The following RBFOX1 variants were observed in gnomAD, a reference collection of about 807,000 sequenced individuals.
The protein encoded by RBFOX1 is RNA binding protein fox-1 homolog 1.
A neutral mutation model predicts 57.7 loss-of-function variants in RBFOX1; 8 were observed. The ratio of observed to expected loss-of-function variants is 0.14; its 90% CI spans 0.08 to 0.25. The LOEUF is 0.25. RBFOX1 is among the 10% of genes least tolerant of loss of function. RBFOX1 has a pLI of 1.00. For missense variants in RBFOX1, 611 were observed against 548.5 expected (o/e 1.11, Z -1.14); for synonymous variants, 326 against 222.4 (o/e 1.47, Z -4.15).
At chr16:6,168,804 CT>C (rs1468238035) in intron 1 of RBFOX1, among the ~76,000 whole-genome samples, 1 of 150,108 alleles carries the variant, frequency 6.7e-6, no homozygotes, top group African/African-American at 2.5e-5. Context: ...TTCACTGGTT[CT>C]TTCACTTTTT....
At chr16:7,162,243 T>C (rs1488126057) in intron 4 of RBFOX1, among the ~76,000 whole-genome samples, 1 of 152,208 alleles carries the variant, frequency 6.6e-6, no homozygotes, top group Admixed American at 6.5e-5. Flanking sequence ...ATCTGTCCAC[T>C]CATCCATCAT....
chr16:6,750,063 A>G (rs2074618711), intron 3 of RBFOX1, among the ~76,000 whole-genome samples: 1 of 152,172 alleles, frequency 6.6e-6, no homozygotes. Context: ...ACTAGGGGCT[A>G]ACATTAAGAT....
At chr16:6,053,627 A>G (rs1198332626) in intron 1 of RBFOX1, among the ~76,000 whole-genome samples, 1 of 152,162 alleles carries the variant, frequency 6.6e-6, no homozygotes, top group African/African-American at 2.4e-5. Context: ...CATAATCACC[A>G]CTATTCCAGA....
Position 7,393,799 on chromosome 16 carries a change from A to T in RBFOX1, c.28-124348A>T, listed in dbSNP as rs143153408. On this transcript the variant is annotated intron_variant, in intron 4 of 15. Transcript: ENST00000550418. The stretch of plus-strand genomic sequence containing the variant: ...CCTTACCTCCACCTTTACTCCAGGC[A>T]TCTCTGGCTAAGGTGAATCATGCCA... 1.1e-3 allele frequency among the ~76,000 whole-genome samples: 160 copies of T among 152,310 alleles called. 1 individual carries two copies. The highest frequency in any genetic ancestry group is 9.3e-4 in the Non-Finnish European group (63 of 68,030).
At chr16:6,701,319 C>G (rs561883288) in intron 3 of RBFOX1, among the ~76,000 whole-genome samples, 3 of 152,336 alleles carry the variant, frequency 2.0e-5, no homozygotes, top group African/African-American at 7.2e-5. Context: ...GACGTCACCC[C>G]CTGCAGCTGG....
chr16:7,197,157 C>G (rs970280882), intron 4 of RBFOX1, among the ~76,000 whole-genome samples: 1 of 152,134 alleles, frequency 6.6e-6, no homozygotes, highest in Non-Finnish European at 1.5e-5. Flanking sequence ...TTCTAGCGTT[C>G]TCTGGTTTCT....
chr16:6,511,789 A>T (rs1022444082), intron 2 of RBFOX1, among the ~76,000 whole-genome samples: 2 of 152,246 alleles, frequency 1.3e-5, no homozygotes, highest in African/African-American at 2.4e-5. Context: ...TTCAAATTCT[A>T]CTAGTGGCTT....
intron 2 of RBFOX1, among the ~76,000 whole-genome samples, chr16:6,593,954 G>C (rs1316091617): frequency 6.6e-6 from 1 of 152,124 alleles, no homozygotes; most frequent in Admixed American, 6.6e-5. Flanking sequence ...GTTCAATTTG[G>C]CGTTTAGGAT....
At chr16:6,967,159 A>T (rs186057047) in intron 3 of RBFOX1, among the ~76,000 whole-genome samples, 122 of 151,762 alleles carry the variant, frequency 8.0e-4, no homozygotes, top group Non-Finnish European at 1.5e-3. Flanking sequence ...TCATCTATCC[A>T]TGTGTTTGTA....
chr16:5,768,231 G>T (rs933326090), intron 3 of RBFOX1, among the ~76,000 whole-genome samples: 1 of 152,178 alleles, frequency 6.6e-6, no homozygotes, highest in African/African-American at 2.4e-5. Context: ...GATCCATAAT[G>T]AGATACGTGA....
Position 6,520,156 on chromosome 16 carries a change from G to A in RBFOX1, c.-63-134447G>A, listed in dbSNP as rs77002036. ...TCATGGCCATCCTTTGCAACTTGGA[G>A]TATGCAAACAACATTTCTTCTCTAA... is the stretch of plus-strand genomic sequence containing the variant. On this transcript the variant is annotated intron_variant, in intron 2 of 15. Transcript: ENST00000550418. Among the ~76,000 whole-genome samples the A allele has an allele frequency of 3.6e-3, 551 of 152,314 alleles. 7 individuals are homozygous for A. Among genetic ancestry groups the A allele is most frequent in the African/African-American group, 0.012 (508 of 41,572 alleles).
At chr16:7,702,048 C>T (rs1393416143) in intron 14 of RBFOX1, among the ~76,000 whole-genome samples, 2 of 152,132 alleles carry the variant, frequency 1.3e-5, no homozygotes, top group Non-Finnish European at 2.9e-5. Flanking sequence ...GATAACTTGT[C>T]CTTTCCTTGA....
At chr16:5,698,997 T>G (rs1423856931) in intron 3 of RBFOX1, among the ~76,000 whole-genome samples, 1 of 150,172 alleles carries the variant, frequency 6.7e-6, no homozygotes, top group Non-Finnish European at 1.5e-5. Context: ...TTTTTTTTTT[T>G]TTTTTTTTGA....
chr16:5,332,190 T>C (rs1320112), intron 1 of RBFOX1, among the ~76,000 whole-genome samples: 1 of 152,162 alleles, frequency 6.6e-6, no homozygotes, highest in Non-Finnish European at 1.5e-5. Flanking sequence ...TTATTGTTTC[T>C]TTTATTTAAC....
chr16:7,164,232 T>A (rs369528603), intron 4 of RBFOX1, among the ~76,000 whole-genome samples: 2 of 152,308 alleles, frequency 1.3e-5, no homozygotes, highest in South Asian at 4.1e-4. Context: ...TTTCCATTCC[T>A]GAGTTACTTC....
chr16:7,039,417 A>C lies in RBFOX1; in HGVS notation c.-15-12640A>C, dbSNP rs967824715. ...CGTGGGAGAGCTGGGTGTGTTCTCC[A>C]AGCTATTTTCTCAAGTGTATTTTGT... On this transcript the variant is annotated intron_variant, in intron 3 of 15. Transcript: ENST00000550418. 1.8e-4 allele frequency among the ~76,000 whole-genome samples: 27 copies of C among 152,332 alleles called. 1 individual carries two copies. Among genetic ancestry groups the C allele is most frequent in the African/African-American group, 6.5e-4 (27 of 41,584 alleles).
intron 3 of RBFOX1, among the ~76,000 whole-genome samples, chr16:5,745,994 T>C (rs1050610293): frequency 1.3e-5 from 2 of 152,248 alleles, no homozygotes; most frequent in African/African-American, 4.8e-5. Flanking sequence ...TTTGGTGTTT[T>C]ACACATGAAG....
chr16:6,577,730 A>G (rs1385467228), intron 2 of RBFOX1, among the ~76,000 whole-genome samples: 1 of 152,164 alleles, frequency 6.6e-6, no homozygotes, highest in East Asian at 1.9e-4. Flanking sequence ...TTTGACAAGG[A>G]AGTGACACAC....
intron 3 of RBFOX1, among the ~76,000 whole-genome samples, chr16:5,785,297 A>C (rs973487176): frequency 2.6e-5 from 4 of 152,134 alleles, no homozygotes; most frequent in African/African-American, 9.7e-5. Context: ...ACATTTACCA[A>C]AGAGCTTGGT....
Sources: gnomAD v4.1 joint callset for allele counts (sites outside exome capture counted in the v4.1 genomes callset) on GRCh38, gnomAD v4.1.1 for gene constraint, MANE v1.5 for transcripts, NCBI Gene and HGNC (gene_info 2026-07-23, HGNC 2026-07-21) for gene names.